MSL2: variants seen among roughly 807,000 people sequenced by gnomAD.
MSL2 encodes E3 ubiquitin-protein ligase MSL2.
In MSL2, 2 loss-of-function variants were observed where a neutral mutation model predicts 35.8. The observed-to-expected ratio is 0.06, with a 90% CI of 0.02 to 0.18. The LOEUF is 0.18. Ranked by LOEUF, MSL2 falls within the 10% of genes least tolerant of loss-of-function variation. The pLI is 1.00. For missense variants in MSL2, 523 were observed against 706.7 expected (o/e 0.74, Z 2.95); for synonymous variants, 296 against 255.7 (o/e 1.16, Z -1.50).
chr3:136,166,062 T>TAAAAAAAAAAAAAAAA (rs34420183), intron 1 of MSL2, among the ~76,000 whole-genome samples: 1 of 80,058 alleles, frequency 1.2e-5, no homozygotes, highest in Non-Finnish European at 2.3e-5. Context: ...TACGTACCAG[T>TAAAAAAAAAAAAAAAA]AAAAAAAAAA....
intron 1 of MSL2, among the ~76,000 whole-genome samples, chr3:136,193,961 T>A (rs977080551): frequency 6.6e-6 from 1 of 152,236 alleles, no homozygotes; most frequent in Non-Finnish European, 1.5e-5. Flanking sequence ...GAATATTATT[T>A]CTCCCTTCAG....
At position 136,152,107 on chromosome 3, in the gene MSL2, T is replaced by C. The variant is rs1308305751; in HGVS notation, c.774A>G (p.Glu258=). The C allele has an allele frequency of 1.2e-6, 2 of 1,614,044 alleles. No individual in the cohort carries two copies. The highest frequency in any genetic ancestry group is 1.7e-6 in the Non-Finnish European group (2 of 1,180,040). Residue 258 remains glutamate (E), a synonymous_variant, in exon 2 of 2, where the codon GAA becomes GAG. Transcript: ENST00000309993. ...ACAGAGAGTCTCCAGGTTTTATATC[T>C]TCACTGAAACTGCAGATATCAATGC... The part of the protein sequence containing the change: ...STGIDICSFS[E]DIKPGDSLLL...
At chr3:136,178,532 CTTTTT>C (rs1180948007) in intron 1 of MSL2, among the ~76,000 whole-genome samples, 3 of 134,866 alleles carry the variant, frequency 2.2e-5, no homozygotes, top group South Asian at 2.3e-4. Context: ...TTTACTGGCA[CTTTTT>C]TTTTTTTTTT....
chr3:136,150,306 G>A lies in MSL2; in HGVS notation c.*841C>T, dbSNP rs963666433. 4 of 152,178 alleles carry A rather than the reference G, an allele frequency of 2.6e-5. No homozygotes were observed. Among genetic ancestry groups the A allele is most frequent in the Non-Finnish European group, 5.9e-5 (4 of 68,018 alleles). The allele number at this position is 152,178 out of a possible 1,614,324, so 9.4% of individuals were successfully genotyped here. On this transcript the variant is annotated 3_prime_UTR_variant, in exon 2 of 2. Coordinates refer to ENST00000309993, the MANE Select transcript of MSL2 (RefSeq NM_018133.4). ...AATACACAAATCTGGGCAAGTCTGGGAGCATTATTCCAAAATTATTTTAAG... is the reference window on the plus strand; with the variant it reads ...AATACACAAATCTGGGCAAGTCTGGAAGCATTATTCCAAAATTATTTTAAG...
At position 136,195,290 on chromosome 3, in the gene MSL2, C is replaced by CA; in HGVS notation, c.-178dup. 1 of 1,423,532 alleles carries CA rather than the reference C, an allele frequency of 7.0e-7. No homozygotes were observed. The highest frequency in any genetic ancestry group is 9.1e-7 in the Non-Finnish European group (1 of 1,094,842). The allele number at this position is 1,423,532 out of a possible 1,614,324, so 88.2% of individuals were successfully genotyped here. A position where few individuals can be genotyped will look rare whatever the true frequency, so the allele number is the denominator to read the frequency against. On this transcript the variant is annotated 5_prime_UTR_variant, in exon 1 of 2. The change creates a premature stop within an existing upstream ORF in the 5' untranslated region. Transcript: ENST00000309993. ...TTGTGGAGCTGAAACAATCCTCCCA[C>CA]ACATGGGGCCTTGGCGCCCCTCCGT...
intron 1 of MSL2, among the ~76,000 whole-genome samples, chr3:136,190,770 A>C (rs775617848): frequency 1.3e-5 from 2 of 152,202 alleles, no homozygotes; most frequent in Non-Finnish European, 2.9e-5. Context: ...AAAGAAAAAA[A>C]CAATTCTACT....
chr3:136,154,899 AT>A (rs1939475309), intron 1 of MSL2, among the ~76,000 whole-genome samples: 1 of 152,110 alleles, frequency 6.6e-6, no homozygotes, highest in Non-Finnish European at 1.5e-5. Flanking sequence ...TCTAAAAAAA[AT>A]TATAATACAT....
At chr3:136,156,727 C>T (rs533339952) in intron 1 of MSL2, among the ~76,000 whole-genome samples, 86 of 152,206 alleles carry the variant, frequency 5.7e-4, no homozygotes, top group Non-Finnish European at 9.1e-4. Flanking sequence ...TGGTGGCAGC[C>T]GCCTGTAGTC....
chr3:136,152,188 C>T lies in MSL2; in HGVS notation c.693G>A (p.Leu231=). 1 of 1,614,154 alleles carries T rather than the reference C, an allele frequency of 6.2e-7. No homozygotes were observed. Among genetic ancestry groups the T allele is most frequent in the Non-Finnish European group, 8.5e-7 (1 of 1,180,000 alleles). The change falls in exon 2 of 2, where the codon CTG becomes CTA. Residue 231 remains leucine (L), a synonymous_variant. Transcript: ENST00000309993. ...CNTVDIKTED[L]SDSLPPVCDT... ...CACAAACGGGTGGCAGGCTGTCAGA[C>T]AGATCCTCAGTTTTTATGTCAACAG...
rs1372856131 is a variant in MSL2 at position 136,152,357 on chromosome 3, G to A, written c.524C>T (p.Ser175Phe). The A allele has an allele frequency of 6.2e-7, 1 of 1,614,092 alleles. No homozygotes were observed. Among genetic ancestry groups the A allele is most frequent in the African/African-American group, 1.3e-5 (1 of 74,944 alleles). ...GCTGAGGGTGCTTTCAGACATTGGA[G>A]ATAAACTAGCTTGAGGATCAGTTGT... ...EPTTDPQASLSPMSESTLSIA... is the reference protein window; with the variant it reads ...EPTTDPQASLFPMSESTLSIA... The change falls in exon 2 of 2, where the codon TCT becomes TTT. Residue 175 changes from serine to phenylalanine, a missense_variant. This residue lies in a region of MSL2 where 361 missense variants were observed against 414.6 expected (regional missense o/e 0.87). Transcript: ENST00000309993.
In MSL2 at chr3:136,195,041, G is replaced by A. The variant is rs745561575; in HGVS notation, c.73C>T (p.Pro25Ser). 1 of 1,614,096 alleles carries A rather than the reference G, an allele frequency of 6.2e-7. No homozygotes were observed. ...RLVLNYDPGDPKAFTEINRLL... is the reference protein window; with the variant it reads ...RLVLNYDPGDSKAFTEINRLL... ...CTGTTAATCTCAGTAAACGCCTTGGGGTCTCCGGGGTCGTAGTTGAGCACT... is the reference window on the plus strand; with the variant it reads ...CTGTTAATCTCAGTAAACGCCTTGGAGTCTCCGGGGTCGTAGTTGAGCACT... The change falls in exon 1 of 2, where the codon CCC becomes TCC. Residue 25 changes from proline to serine, a missense_variant. Physicochemically the swap from Pro to Ser is moderately conservative, Grantham distance 74 (BLOSUM62 -1). Transcript: ENST00000309993.
chr3:136,189,047 A>G (rs956053322), intron 1 of MSL2, among the ~76,000 whole-genome samples: 2 of 138,330 alleles, frequency 1.4e-5, no homozygotes, highest in Non-Finnish European at 3.1e-5. Flanking sequence ...TTTTCTTAGG[A>G]GATTTTCCTT....
rs373750953 is a variant in MSL2, at chr3:136,176,680, A to C, written c.142+18292T>G. Reference sequence around the variant, plus strand: ...TTACTACAAAAAAAAAAAAATTTAAAAATTAACCAGGTGTGGTGGCACACA... The same window carrying C: ...TTACTACAAAAAAAAAAAAATTTAACAATTAACCAGGTGTGGTGGCACACA... On this transcript the variant is annotated intron_variant, in intron 1 of 1. Transcript: ENST00000309993. 3.4e-4 allele frequency among the ~76,000 whole-genome samples: 51 copies of C among 151,930 alleles called. No individual in the cohort carries two copies. The East Asian group carries it at 7.4e-3, about 22-fold the overall frequency.
At chr3:136,154,952 C>A (rs1234083783) in intron 1 of MSL2, among the ~76,000 whole-genome samples, 1 of 152,090 alleles carries the variant, frequency 6.6e-6, no homozygotes, top group Non-Finnish European at 1.5e-5. Flanking sequence ...CTCACAACTG[C>A]AAATCCCAGC....
At position 136,195,302 on chromosome 3, in the gene MSL2, T is replaced by G. The variant is rs982986774; in HGVS notation, c.-189A>C. 2.9e-6 allele frequency: 4 copies of G among 1,400,092 alleles called. No homozygotes were observed. In the African/African-American group the frequency reaches 5.9e-5, roughly 21 times the overall value. 86.7% of individuals were successfully genotyped at this position (1,400,092 alleles called of 1,614,324 possible). A position where few individuals can be genotyped will look rare whatever the true frequency, so the allele number is the denominator to read the frequency against. ...AACAATCCTCCCACACATGGGGCCT[T>G]GGCGCCCCTCCGTCCCTGAGACTTC... On this transcript the variant is annotated 5_prime_UTR_variant, in exon 1 of 2. Transcript: ENST00000309993.
chr3:136,175,343 CAA>C (rs34663683), intron 1 of MSL2, among the ~76,000 whole-genome samples: 35 of 120,188 alleles, frequency 2.9e-4, no homozygotes, highest in South Asian at 2.6e-4. Context: ...GACTCCGTCT[CAA>C]AAAAAAAAAA....
intron 1 of MSL2, among the ~76,000 whole-genome samples, chr3:136,174,101 T>C (rs988803605): frequency 6.6e-6 from 1 of 152,236 alleles, no homozygotes; most frequent in Non-Finnish European, 1.5e-5. Context: ...CTTAATCACA[T>C]TATATTGTCA....
intron 1 of MSL2, among the ~76,000 whole-genome samples, chr3:136,168,866 C>T (rs115475792): frequency 0.013 from 1,920 of 152,050 alleles, 46 homozygotes; most frequent in African/African-American, 0.044. Flanking sequence ...CCCTTTTTGA[C>T]AGCCACTGCT....
intron 1 of MSL2, among the ~76,000 whole-genome samples, chr3:136,189,895 A>G (rs1940634094): frequency 6.6e-6 from 1 of 152,118 alleles, no homozygotes; most frequent in South Asian, 2.1e-4. Context: ...GAAACTTTAC[A>G]TGTACAAAAT....
Sources: allele counts gnomAD v4.1 joint callset (sites outside exome capture counted in the v4.1 genomes callset), GRCh38; gene constraint gnomAD v4.1.1; regional missense constraint gnomAD v4.1.1; transcripts MANE v1.5; gene names NCBI Gene and HGNC (gene_info 2026-07-23, HGNC 2026-07-21).